The following PTPRN2 variants were observed in gnomAD, a reference collection of about 807,000 sequenced individuals.
PTPRN2 encodes the protein protein tyrosine phosphatase receptor type N2.
In PTPRN2, 74 loss-of-function variants were observed where a neutral mutation model predicts 118.8. The ratio of observed to expected loss-of-function variants is 0.62; its 90% CI spans 0.52 to 0.76. PTPRN2 has a LOEUF of 0.76. Ranked by LOEUF, PTPRN2 falls within the 30% of genes least tolerant of loss-of-function variation. The probability of loss-of-function intolerance (pLI) is 0.00; values close to 1 mark genes in which losing one functional copy is unlikely to be tolerated. For synonymous variants in PTPRN2, 641 were observed against 608.0 expected, an observed-to-expected ratio of 1.05 and a Z score of -0.80; for missense variants, 1,481 against 1,394.4, an observed-to-expected ratio of 1.06 and a Z score of -0.99.
intron 10 of PTPRN2, among the ~76,000 whole-genome samples, chr7:158,094,262 C>T (rs117916796): frequency 0.032 from 4,813 of 152,222 alleles, 120 homozygotes; most frequent in Non-Finnish European, 0.045. Context: ...GCAGAACGCT[C>T]GCCATTCCCG....
intron 4 of PTPRN2, among the ~76,000 whole-genome samples, chr7:158,200,451 C>T (rs1159656223): frequency 1.3e-5 from 2 of 152,166 alleles, no homozygotes; most frequent in Non-Finnish European, 2.9e-5. Flanking sequence ...AAAGAAAACT[C>T]ACAGATTACT....
intron 3 of PTPRN2, among the ~76,000 whole-genome samples, chr7:158,294,130 G>A (rs1435874093): frequency 6.6e-6 from 1 of 152,210 alleles, no homozygotes; most frequent in Non-Finnish European, 1.5e-5. Flanking sequence ...ACTGCACTGT[G>A]ACATCATGAG....
Position 157,568,219 on chromosome 7 carries a change from C to T in PTPRN2, c.2902+683G>A, listed in dbSNP as rs548048678. Among the ~76,000 whole-genome samples the T allele has an allele frequency of 2.6e-5, 4 of 152,310 alleles. No individual in the cohort carries two copies. The South Asian group carries it at 8.3e-4, about 32-fold the overall frequency. The stretch of plus-strand genomic sequence containing the variant: ...CTGCTGGACCCATCCTCGCACCCTG[C>T]GCCTCATGTCTAAGACTCCCCACGC... On this transcript the variant is annotated intron_variant, in intron 21 of 22. Transcript: ENST00000389418.
rs62475447 is a variant in PTPRN2 at position 157,974,077 on chromosome 7, G to T, written c.1724-75340C>A. 0.15 allele frequency among the ~76,000 whole-genome samples: 22,513 copies of T among 152,234 alleles called. 2,057 individuals carry two copies. Among genetic ancestry groups the T allele is most frequent in the Non-Finnish European group, 0.2 (13,664 of 67,990 alleles). On this transcript the variant is annotated intron_variant, in intron 11 of 22. Transcript: ENST00000389418. This position sits in a 1 kb window ranked among gnomAD's most constrained non-coding sequence, Gnocchi z 4.0. ...GTAGCAGGTGTGGCCATAACATGGA[G>T]CACAGGCTGAGCTGCCTGACTTGCA...
At chr7:157,957,510 A>T (rs11773073) in intron 11 of PTPRN2, among the ~76,000 whole-genome samples, 1 of 151,990 alleles carries the variant, frequency 6.6e-6, no homozygotes, top group Non-Finnish European at 1.5e-5. Flanking sequence ...ATAAATCATC[A>T]ATTAATACTT....
At chr7:158,202,873 C>G (rs1178268481) in intron 4 of PTPRN2, among the ~76,000 whole-genome samples, 1 of 151,948 alleles carries the variant, frequency 6.6e-6, no homozygotes, top group Non-Finnish European at 1.5e-5. Flanking sequence ...ATAAAAGAAA[C>G]AAACAGAAAA....
intron 21 of PTPRN2, among the ~76,000 whole-genome samples, chr7:157,566,113 G>C (rs1209107050): frequency 6.6e-6 from 1 of 152,226 alleles, no homozygotes; most frequent in Non-Finnish European, 1.5e-5. Context: ...GACAAGTGCT[G>C]CTCTGCTGTC....
rs561196919 is a variant in PTPRN2 at position 157,603,412 on chromosome 7, C to A, written c.2418+590G>T. Among the ~76,000 whole-genome samples the A allele has an allele frequency of 2.9e-4, 44 of 152,320 alleles. No individual in the cohort carries two copies. The highest frequency in any genetic ancestry group is 6.8e-3 in the Middle Eastern group (2 of 294). ...GACCACAGGCCACAGGGACTCATAA[C>A]TCACGGCACAGGAGCTGCCACCACA... On this transcript the variant is annotated intron_variant, in intron 16 of 22. Coordinates refer to ENST00000389418, the MANE Select transcript of PTPRN2 (RefSeq NM_002847.5). This position sits in a 1 kb window ranked among gnomAD's most constrained non-coding sequence, Gnocchi z 5.4.
Position 157,787,103 on chromosome 7 carries a change from G to A in PTPRN2, c.1789-104166C>T. ...GGGACGCGGGGGTGGCTGCCCGGGA[G>A]GCGGACGCGGGTGCGGCGGGGGACG... On this transcript the variant is annotated intron_variant, in intron 12 of 22. Transcript: ENST00000389418. This position sits in a 1 kb window ranked among gnomAD's most constrained non-coding sequence, Gnocchi z 5.3. Among the ~76,000 whole-genome samples, 2 of 128,092 alleles carry A rather than the reference G, an allele frequency of 1.6e-5. No individual in the cohort carries two copies. The highest frequency in any genetic ancestry group is 3.5e-5 in the Non-Finnish European group (2 of 57,724). The allele number at this position is 128,092 out of a possible 152,430, so 84.0% of individuals were successfully genotyped here.
rs1800554248 is a variant in PTPRN2 at position 157,740,377 on chromosome 7, C to T, written c.1789-57440G>A. On this transcript the variant is annotated intron_variant, in intron 12 of 22. Transcript: ENST00000389418. ...CTCCGGAACATCGTCTCCCTCCGTC[C>T]ACGGCAACGCGGGAGCCTGACCAGC... 3 of 152,028 alleles carry T rather than the reference C, an allele frequency of 2.0e-5. No individual in the cohort carries two copies. The South Asian group carries it at 6.2e-4, about 32-fold the overall frequency. The allele number at this position is 152,028 out of a possible 1,614,324, so 9.4% of individuals were successfully genotyped here.
intron 2 of PTPRN2, among the ~76,000 whole-genome samples, chr7:158,371,994 A>T (rs1761478256): frequency 6.6e-6 from 1 of 152,210 alleles, no homozygotes; most frequent in South Asian, 2.1e-4. Context: ...GTCACGCCAC[A>T]GACACCCTCT....
chr7:158,434,603 T>C (rs1239740419), intron 2 of PTPRN2, among the ~76,000 whole-genome samples: 1 of 152,236 alleles, frequency 6.6e-6, no homozygotes, highest in African/African-American at 2.4e-5. Flanking sequence ...AGTGACAATC[T>C]TTAATTTTTG....
intron 11 of PTPRN2, among the ~76,000 whole-genome samples, chr7:157,919,788 G>T (rs909706802): frequency 6.6e-6 from 1 of 152,158 alleles, no homozygotes; most frequent in Non-Finnish European, 1.5e-5. Context: ...ACGTACTAAC[G>T]TTTTGGTCAG....
rs62480867 is a variant in PTPRN2, at chr7:158,330,026, A to C, written c.164-13094T>G. On this transcript the variant is annotated intron_variant, in intron 2 of 22. Transcript: ENST00000389418. Reference sequence around the variant, plus strand: ...ACACTCACACCCACACTCTCACCATAAGAGGTGACATCTGCAGACGTCACT... The same window carrying C: ...ACACTCACACCCACACTCTCACCATCAGAGGTGACATCTGCAGACGTCACT... 2.0e-4 allele frequency among the ~76,000 whole-genome samples: 25 copies of C among 122,944 alleles called. 1 individual carries two copies. The highest frequency in any genetic ancestry group is 4.8e-4 in the South Asian group (2 of 4,168). 80.7% of individuals were successfully genotyped at this position (122,944 alleles called of 152,430 possible).
At chr7:158,548,828 G>T (rs1586921028) in intron 1 of PTPRN2, among the ~76,000 whole-genome samples, 1 of 152,218 alleles carries the variant, frequency 6.6e-6, no homozygotes, top group East Asian at 1.9e-4. Flanking sequence ...CAGCGCAGGA[G>T]GGGGCTCTAC....
At chr7:158,101,431 T>C (rs895574563) in intron 10 of PTPRN2, among the ~76,000 whole-genome samples, 1 of 152,206 alleles carries the variant, frequency 6.6e-6, no homozygotes, top group African/African-American at 2.4e-5. Flanking sequence ...GGAAATAGCA[T>C]TGGAAAAACT....
Position 157,690,788 on chromosome 7 carries a change from G to A in PTPRN2, c.1789-7851C>T, listed in dbSNP as rs1435001740. On this transcript the variant is annotated intron_variant, in intron 12 of 22. Coordinates refer to ENST00000389418, the MANE Select transcript of PTPRN2 (RefSeq NM_002847.5). The surrounding 1 kb of genome is among the most constrained non-coding windows in gnomAD (Gnocchi z 7.1). The stretch of plus-strand genomic sequence containing the variant: ...CTGCTCCAGCAGCAGCGGCTGCGCG[G>A]CGGCACGGGCTCGGAGCCCGCAGGC... 6.6e-6 allele frequency among the ~76,000 whole-genome samples: 1 copy of A among 150,394 alleles called. No individual in the cohort carries two copies. The highest frequency in any genetic ancestry group is 1.5e-5 in the Non-Finnish European group (1 of 67,482).
At chr7:158,111,382 G>A (rs1054077782) in intron 9 of PTPRN2, among the ~76,000 whole-genome samples, 3 of 152,150 alleles carry the variant, frequency 2.0e-5, no homozygotes, top group Admixed American at 1.3e-4. Flanking sequence ...AGCAACTCAG[G>A]GCAGGGGGCG....
chr7:158,075,915 C>T (rs978464997), intron 11 of PTPRN2, among the ~76,000 whole-genome samples: 1 of 152,242 alleles, frequency 6.6e-6, no homozygotes, highest in African/African-American at 2.4e-5. Flanking sequence ...CCACGTGCAG[C>T]GGAACCTGGA....
Sources: gnomAD v4.1 joint callset for allele counts (sites outside exome capture counted in the v4.1 genomes callset) on GRCh38, gnomAD v4.1.1 for gene constraint, Gnocchi (gnomAD v3.1) non-coding constraint, MANE v1.5 for transcripts, NCBI Gene and HGNC (gene_info 2026-07-23, HGNC 2026-07-21) for gene names.